ACVR1: variants seen among roughly 807,000 people sequenced by gnomAD.
ACVR1 encodes the protein activin receptor type-1.
ACVR1 carries 38 observed loss-of-function variants against 57.1 expected under a neutral mutation model. The ratio of observed to expected loss-of-function variants is 0.67; its 90% CI spans 0.51 to 0.87. ACVR1 has a LOEUF of 0.87. ACVR1 is among the 40% of genes least tolerant of loss of function. The pLI is 0.00. For missense variants in ACVR1, 463 were observed against 638.2 expected, an observed-to-expected ratio of 0.73 and a Z score of 2.96; for synonymous variants, 212 against 228.1, an observed-to-expected ratio of 0.93 and a Z score of 0.63.
intron 1 of ACVR1, among the ~76,000 whole-genome samples, chr2:157,851,677 G>C (rs1021393480): frequency 2.0e-5 from 3 of 152,124 alleles, no homozygotes; most frequent in Non-Finnish European, 4.4e-5. Context: ...TCCAAAGGCA[G>C]AGTGGGCTCC....
At chr2:157,757,765 T>C (rs898281195) in intron 9 of ACVR1, among the ~76,000 whole-genome samples, 1 of 151,798 alleles carries the variant, frequency 6.6e-6, no homozygotes, top group Non-Finnish European at 1.5e-5. Context: ...AAATGCTATA[T>C]CTGGGTGATA....
At chr2:157,861,649 C>T (rs1689723057) in intron 1 of ACVR1, among the ~76,000 whole-genome samples, 1 of 152,196 alleles carries the variant, frequency 6.6e-6, no homozygotes, top group Non-Finnish European at 1.5e-5. Flanking sequence ...TGTGTTCATC[C>T]ACTTTATGGA....
intron 1 of ACVR1, among the ~76,000 whole-genome samples, chr2:157,867,631 AT>A (rs956529606): frequency 2.4e-4 from 35 of 148,298 alleles, no homozygotes; most frequent in East Asian, 1.2e-3. Flanking sequence ...GGACATTTCG[AT>A]TTTTTTTTTA....
intron 1 of ACVR1, among the ~76,000 whole-genome samples, chr2:157,852,871 GT>G (rs1196172979): frequency 6.6e-6 from 1 of 152,138 alleles, no homozygotes; most frequent in East Asian, 1.9e-4. Context: ...GAGTTCAGCT[GT>G]ACCAACCTGC....
intron 2 of ACVR1, among the ~76,000 whole-genome samples, chr2:157,811,158 T>C (rs2105320720): frequency 1.3e-5 from 1 of 77,552 alleles, no homozygotes; most frequent in Non-Finnish European, 4.2e-5. Context: ...CAGGTATCTT[T>C]ACTTTTAATG....
intron 1 of ACVR1, among the ~76,000 whole-genome samples, chr2:157,852,494 G>A (rs1689352328): frequency 7.7e-6 from 1 of 129,980 alleles, no homozygotes; most frequent in South Asian, 2.6e-4. Context: ...GCGAGAGCCT[G>A]TCTCAAAAAA....
intron 3 of ACVR1, among the ~76,000 whole-genome samples, chr2:157,794,765 A>G (rs928289563): frequency 6.6e-6 from 1 of 152,182 alleles, no homozygotes. Context: ...TAATCATCAA[A>G]CAGGCCATTA....
chr2:157,812,078 A>AT (rs575709156), intron 2 of ACVR1, among the ~76,000 whole-genome samples: 152 of 152,372 alleles, frequency 1.0e-3, no homozygotes, highest in African/African-American at 3.4e-3. Flanking sequence ...GAATGAACTC[A>AT]TGAAGTATTT....
rs182886269 is a variant in ACVR1, at chr2:157,867,356, T to C, written c.-183+8440A>G. On this transcript the variant is annotated intron_variant, in intron 1 of 10. Transcript: ENST00000434821. ...ATCATCCTTGGCTAACAGAAGGCTA[T>C]GTGCCAAGGCCTCAAACTCATACAC... Among the ~76,000 whole-genome samples, 5 of 152,350 alleles carry C rather than the reference T, an allele frequency of 3.3e-5. No individual in the cohort carries two copies. The East Asian group carries it at 7.7e-4, about 23-fold the overall frequency.
intron 9 of ACVR1, among the ~76,000 whole-genome samples, chr2:157,752,086 C>T (rs1172767682): frequency 1.3e-5 from 2 of 152,168 alleles, no homozygotes; most frequent in African/African-American, 4.8e-5. Flanking sequence ...GAGCAGGTGC[C>T]GGTATCCATG....
In ACVR1 at chr2:157,844,627, T is replaced by C. The variant is rs547403084; in HGVS notation, c.-182-26068A>G. Among the ~76,000 whole-genome samples, 13 of 152,286 alleles carry C rather than the reference T, an allele frequency of 8.5e-5. No homozygotes were observed. The East Asian group carries it at 1.5e-3, about 18-fold the overall frequency. On this transcript the variant is annotated intron_variant, in intron 1 of 10. Coordinates refer to ENST00000434821, the MANE Select transcript of ACVR1 (RefSeq NM_001111067.4). ...AAAAATAAAAAAATTGATCATCTGA[T>C]AGATGCTGTTTCTGAAGCACCACAG... is the stretch of plus-strand genomic sequence containing the variant.
chr2:157,746,791 G>C (rs890673002), intron 9 of ACVR1, among the ~76,000 whole-genome samples: 8 of 152,136 alleles, frequency 5.3e-5, no homozygotes, highest in Non-Finnish European at 1.2e-4. Context: ...ATTCACACAG[G>C]GAAGGTAAGA....
chr2:157,760,983 T>C lies in ACVR1; in HGVS notation c.1161A>G (p.Leu387=). The C allele has an allele frequency of 6.2e-7, 1 of 1,614,164 alleles. No homozygotes were observed. Among genetic ancestry groups the C allele is most frequent in the Non-Finnish European group, 8.5e-7 (1 of 1,180,012 alleles). ...AACAATCCACCTGGATGGTTTCATC[T>C]AGAACTTCGGGGGCCATGTAGCGCT... is the stretch of plus-strand genomic sequence containing the variant. ...GTKRYMAPEV[L]DETIQVDCFD... Residue 387 remains leucine, a synonymous_variant, in exon 9 of 11, where the codon CTA becomes CTG. Transcript: ENST00000434821.
rs1280307291 is a variant in ACVR1, at chr2:157,876,170, C to A, written c.-557G>T. Among the ~76,000 whole-genome samples the A allele has an allele frequency of 1.3e-5, 2 of 149,122 alleles. No individual in the cohort carries two copies. Among genetic ancestry groups the A allele is most frequent in the Non-Finnish European group, 3.0e-5 (2 of 66,862 alleles). ...GGAGGAGGGCGGGCAGAATAAACTTCCCGAGGCGCAGAGGCTCGGGCTGGG... is the reference window on the plus strand; with the variant it reads ...GGAGGAGGGCGGGCAGAATAAACTTACCGAGGCGCAGAGGCTCGGGCTGGG... On this transcript the variant is annotated 5_prime_UTR_variant, in exon 1 of 11. Transcript: ENST00000434821.
chr2:157,870,072 T>G lies in ACVR1; in HGVS notation c.-183+5724A>C, dbSNP rs181606354. Among the ~76,000 whole-genome samples, 501 of 152,318 alleles carry G rather than the reference T, an allele frequency of 3.3e-3. 5 individuals carry two copies. The highest frequency in any genetic ancestry group is 0.012 in the African/African-American group (478 of 41,558). ...CATCAATAGCTGCAATAGTGGAAGT[T>G]TCGGAACTTGGTTTAAAACATCACT... On this transcript the variant is annotated intron_variant, in intron 1 of 10. Coordinates refer to ENST00000434821, the MANE Select transcript of ACVR1 (RefSeq NM_001111067.4).
chr2:157,828,644 A>T (rs1688477746), intron 1 of ACVR1, among the ~76,000 whole-genome samples: 1 of 152,090 alleles, frequency 6.6e-6, no homozygotes, highest in African/African-American at 2.4e-5. Context: ...TTTCCAATCT[A>T]CCTCTGTACT....
chr2:157,823,136 C>T (rs1688216565), intron 1 of ACVR1, among the ~76,000 whole-genome samples: 1 of 152,182 alleles, frequency 6.6e-6, no homozygotes, highest in Admixed American at 6.5e-5. Context: ...CCCACATGCT[C>T]CTATCCTGCA....
Position 157,770,449 on chromosome 2 carries a change from A to T in ACVR1, c.709T>A (p.Phe237Ile). The change falls in exon 7 of 11, where the codon TTC (phenylalanine) becomes ATC (isoleucine). Residue 237 changes from phenylalanine to isoleucine, a missense_variant. Coordinates refer to ENST00000434821, the MANE Select transcript of ACVR1 (RefSeq NM_001111067.4). The part of the protein sequence containing the change: ...WQGENVAVKI[F>I]SSRDEKSWFR... Reference sequence around the variant, plus strand: ...CATGACTTCTCATCACGGGAGGAGAAGATCTTCACGGCAACATTCTCCCCT... The same window carrying T: ...CATGACTTCTCATCACGGGAGGAGATGATCTTCACGGCAACATTCTCCCCT... 6.2e-7 allele frequency: 1 copy of T among 1,614,108 alleles called. No homozygotes were observed.
intron 7 of ACVR1, among the ~76,000 whole-genome samples, chr2:157,766,744 T>C (rs948272541): frequency 6.6e-6 from 1 of 152,158 alleles, no homozygotes; most frequent in Non-Finnish European, 1.5e-5. Context: ...ACCAACCAAA[T>C]ATATGAGTAT....
Sources: allele counts gnomAD v4.1 joint callset (sites outside exome capture counted in the v4.1 genomes callset), GRCh38; gene constraint gnomAD v4.1.1; transcripts MANE v1.5; gene names NCBI Gene and HGNC (gene_info 2026-07-23, HGNC 2026-07-21).